Variants in FREM1 observed in about 807,000 individuals in gnomAD.
FREM1 encodes FRAS1-related extracellular matrix protein 1.
FREM1 carries 220 observed loss-of-function variants against 210.1 expected under a neutral mutation model. The observed-to-expected ratio is 1.05, with a 90% CI of 0.94 to 1.17. The LOEUF is 1.17. FREM1 is among the 50% of genes most tolerant of loss of function. FREM1 has a pLI of 0.00. For synonymous variants in FREM1, 1,189 were observed against 980.2 expected, an observed-to-expected ratio of 1.21 and a Z score of -3.98; for missense variants, 3,454 against 2,675.5, an observed-to-expected ratio of 1.29 and a Z score of -6.42.
intron 1 of FREM1, among the ~76,000 whole-genome samples, chr9:14,905,414 G>A (rs2132701612): frequency 6.6e-6 from 1 of 152,230 alleles, no homozygotes; most frequent in African/African-American, 2.4e-5. Flanking sequence ...TGCTACAATG[G>A]AGCAAAATCT....
At chr9:14,846,527 A>T (rs955719189) in intron 7 of FREM1, among the ~76,000 whole-genome samples, 15 of 152,256 alleles carry the variant, frequency 9.9e-5, no homozygotes, top group African/African-American at 2.6e-4. Context: ...TAAATTTTTT[A>T]AAAAAAGATA....
intron 3 of FREM1, among the ~76,000 whole-genome samples, chr9:14,861,132 TATATAC>T (rs1830305890): frequency 2.9e-5 from 4 of 138,726 alleles, no homozygotes; most frequent in South Asian, 4.3e-4. Flanking sequence ...TATATACACA[TATATAC>T]ATATATACAC....
intron 9 of FREM1, among the ~76,000 whole-genome samples, chr9:14,841,885 C>T (rs1468326568): frequency 6.6e-6 from 1 of 152,148 alleles, no homozygotes; most frequent in East Asian, 1.9e-4. Flanking sequence ...TAACTACTTA[C>T]TTGATCCCTA....
Position 14,748,651 on chromosome 9 carries a change from C to T in FREM1, c.5558-12G>A. 1.3e-6 allele frequency: 2 copies of T among 1,561,790 alleles called. No individual in the cohort carries two copies. The highest frequency in any genetic ancestry group is 1.8e-6 in the Non-Finnish European group (2 of 1,137,386). Reference sequence around the variant, plus strand: ...AGGATGGCATTGTCCTGGAGGCATGCAAGATGGCAGGCGGTCAGTTCATTT... The same window carrying T: ...AGGATGGCATTGTCCTGGAGGCATGTAAGATGGCAGGCGGTCAGTTCATTT... On this transcript the variant is annotated splice_polypyrimidine_tract_variant and intron_variant, in intron 30 of 36. Transcript: ENST00000380880.
intron 1 of FREM1, among the ~76,000 whole-genome samples, chr9:14,900,926 T>A (rs1182823161): frequency 1.3e-5 from 2 of 152,160 alleles, no homozygotes; most frequent in Non-Finnish European, 2.9e-5. Flanking sequence ...TTGAGAAAAA[T>A]CTTTGCTAAA....
At chr9:14,825,547 G>GTATATATATATATATATA (rs372128983) in intron 10 of FREM1, among the ~76,000 whole-genome samples, 7 of 75,864 alleles carry the variant, frequency 9.2e-5, no homozygotes, top group Non-Finnish European at 1.2e-4. Flanking sequence ...GTGTGTGTGT[G>GTATATATATATATATATA]TATATATATA....
intron 1 of FREM1, among the ~76,000 whole-genome samples, chr9:14,905,265 G>A (rs1299024807): frequency 6.6e-6 from 1 of 151,494 alleles, no homozygotes; most frequent in Non-Finnish European, 1.5e-5. Flanking sequence ...TTTTTAAAAT[G>A]GTGAGAGAGA....
At chr9:14,752,156 G>A (rs959943512) in intron 29 of FREM1, among the ~76,000 whole-genome samples, 3 of 151,870 alleles carry the variant, frequency 2.0e-5, no homozygotes. Context: ...ATCTAAGGGA[G>A]CTTAAAATCT....
chr9:14,775,898 C>T lies in FREM1; in HGVS notation c.4748G>A (p.Gly1583Glu), dbSNP rs756235364. Residue 1583 changes from glycine to glutamate, a missense_variant, in exon 25 of 37, where the codon GGA (glycine) becomes GAA (glutamate). By Grantham distance (98) the Gly-to-Glu change is moderately conservative. Coordinates refer to ENST00000380880, the MANE Select transcript of FREM1 (RefSeq NM_001379081.2). ...DSKNVAYRHSGGDSQTDCFTF... is the reference protein window; with the variant it reads ...DSKNVAYRHSEGDSQTDCFTF... ...AAAGCAGTCAGTCTGGGAGTCCCCT[C>T]CTGAGTGCCGATAGGCCACATTCTT... The T allele has an allele frequency of 6.2e-7, 1 of 1,613,930 alleles. No homozygotes were observed.
At position 14,846,086 on chromosome 9, in the gene FREM1, T is replaced by A; in HGVS notation, c.1267A>T (p.Ser423Cys). ...APRVSWNTGL[S>C]LLEGQSRAIT... ...GCTCGAGACTGCCCCTCAAGGAGAC[T>A]CAGACCTATGAAAGAAAGGAGAAAA... Residue 423 changes from serine (S) to cysteine (C), a missense_variant, in exon 8 of 37, where the codon AGT (serine) becomes TGT (cysteine). By Grantham distance (112) the Ser-to-Cys change is moderately radical (BLOSUM62 -1). Coordinates refer to ENST00000380880, the MANE Select transcript of FREM1 (RefSeq NM_001379081.2). 6.4e-7 allele frequency: 1 copy of A among 1,571,960 alleles called. No individual in the cohort carries two copies. Among genetic ancestry groups the A allele is most frequent in the Non-Finnish European group, 8.6e-7 (1 of 1,157,402 alleles).
Position 14,759,779 on chromosome 9 carries a change from C to T in FREM1, c.5327G>A (p.Gly1776Asp), listed in dbSNP as rs759201701. ...RGYSMDSAFVGIKVNQVSAAV... is the reference protein window; with the variant it reads ...RGYSMDSAFVDIKVNQVSAAV... Reference sequence around the variant, plus strand: ...ACATTTCAGAGTCATTACCTTTATACCCACAAAGGCCGAGTCCATGGAATA... The same window carrying T: ...ACATTTCAGAGTCATTACCTTTATATCCACAAAGGCCGAGTCCATGGAATA... Residue 1776 changes from glycine (G) to aspartate (D), a missense_variant, in exon 28 of 37, where the codon GGT becomes GAT. Transcript: ENST00000380880. The T allele has an allele frequency of 1.1e-5, 17 of 1,605,230 alleles. No homozygotes were observed. The highest frequency in any genetic ancestry group is 1.7e-5 in the Admixed American group (1 of 59,286).
In FREM1 at chr9:14,793,394, T is replaced by C. The variant is rs140318980; in HGVS notation, c.3840-510A>G. Among the ~76,000 whole-genome samples, 52 of 152,340 alleles carry C rather than the reference T, an allele frequency of 3.4e-4. 1 individual carries two copies. The highest frequency in any genetic ancestry group is 1.1e-3 in the African/African-American group (47 of 41,576). On this transcript the variant is annotated intron_variant, in intron 21 of 36. Transcript: ENST00000380880. ...ACTCTCTAAATTACTCTTCCTCTTC[T>C]AAGTAATGTTCTGGGTAGTATGTGT...
rs867712431 is a variant in FREM1 at position 14,861,322 on chromosome 9, C to T, written c.330-1838G>A. Among the ~76,000 whole-genome samples the T allele has an allele frequency of 4.6e-4, 49 of 107,150 alleles. 11 individuals carry two copies. The highest frequency in any genetic ancestry group is 2.7e-3 in the African/African-American group (48 of 17,746). 70.3% of individuals were successfully genotyped at this position (107,150 alleles called of 152,430 possible). A position where few individuals can be genotyped will look rare whatever the true frequency, so the allele number is the denominator to read the frequency against. On this transcript the variant is annotated intron_variant, in intron 3 of 36. Transcript: ENST00000380880. ...ATATACACATATATACATATATACACATATATACATATATACACATATATA... is the reference window on the plus strand; with the variant it reads ...ATATACACATATATACATATATACATATATATACATATATACACATATATA...
chr9:14,814,667 C>T (rs562948191), intron 15 of FREM1, among the ~76,000 whole-genome samples: 3 of 152,164 alleles, frequency 2.0e-5, no homozygotes, highest in Non-Finnish European at 4.4e-5. Context: ...TGTTCTTGAC[C>T]CTGAGGAATA....
chr9:14,819,511 A>G (rs1820892177), intron 13 of FREM1, 69 bp from the exon 14 acceptor site: 6 of 886,066 alleles, frequency 6.8e-6, no homozygotes, highest in African/African-American at 1.7e-5. Flanking sequence ...AGCTCATTAC[A>G]TCACTGTAAA....
intron 1 of FREM1, among the ~76,000 whole-genome samples, chr9:14,904,603 G>C (rs1310858864): frequency 1.3e-5 from 2 of 152,216 alleles, no homozygotes; most frequent in East Asian, 3.8e-4. Context: ...CCAGGGTGCA[G>C]AACCAGGGAG....
chr9:14,886,680 G>A (rs529044919), intron 1 of FREM1, among the ~76,000 whole-genome samples: 1 of 151,928 alleles, frequency 6.6e-6, no homozygotes, highest in Non-Finnish European at 1.5e-5. Context: ...TGGATGACTT[G>A]AGCCCAGGAG....
In FREM1 at chr9:14,769,796, G is replaced by A; in HGVS notation, c.5132C>T (p.Ser1711Phe). 6.2e-7 allele frequency: 1 copy of A among 1,610,534 alleles called. No individual in the cohort carries two copies. Among genetic ancestry groups the A allele is most frequent in the Non-Finnish European group, 8.5e-7 (1 of 1,177,296 alleles). ...CACGGTATCTGAATTTACTTCCAAA[G>A]ATGGGTTTATGATGTAAAGAATAGT... is the stretch of plus-strand genomic sequence containing the variant. ...SKTILYIINP[S>F]LEVNSDTVEF... Residue 1711 changes from serine (S) to phenylalanine (F), a missense_variant, in exon 27 of 37, where the codon TCT becomes TTT. Transcript: ENST00000380880.
At chr9:14,853,937 G>A (rs1828237986) in intron 5 of FREM1, among the ~76,000 whole-genome samples, 1 of 152,194 alleles carries the variant, frequency 6.6e-6, no homozygotes, top group African/African-American at 2.4e-5. Context: ...TTTTAAACAT[G>A]TTAATAAAGT....
Sources: gnomAD v4.1 joint callset for allele counts (sites outside exome capture counted in the v4.1 genomes callset) on GRCh38, gnomAD v4.1.1 for gene constraint, MANE v1.5 for transcripts, NCBI Gene and HGNC (gene_info 2026-07-23, HGNC 2026-07-21) for gene names.